C9orf85: variants seen among roughly 807,000 people sequenced by gnomAD.
C9orf85 encodes the protein chromosome 9 open reading frame 85.
C9orf85 carries 16 observed loss-of-function variants against 14.9 expected under a neutral mutation model. The ratio of observed to expected loss-of-function variants is 1.08; its 90% CI spans 0.73 to 1.63. The LOEUF (loss-of-function observed/expected upper bound fraction) is 1.63. Ranked by LOEUF, C9orf85 falls within the 40% of genes most tolerant of loss-of-function variation. The pLI is 0.00. For missense variants in C9orf85, 172 were observed against 186.1 expected (o/e 0.92, Z 0.44); for synonymous variants, 45 against 56.8 (o/e 0.79, Z 0.93).
chr9:71,968,097 T>TAGAGAGAGAGAG (rs779158859), intron 2 of C9orf85, among the ~76,000 whole-genome samples: 1 of 37,194 alleles, frequency 2.7e-5, no homozygotes, highest in Non-Finnish European at 5.9e-5. Context: ...CATATATATA[T>TAGAGAGAGAGAG]ATATAGAGAG....
At chr9:71,931,426 C>CT (rs1449804597) in intron 1 of C9orf85, among the ~76,000 whole-genome samples, 1 of 152,148 alleles carries the variant, frequency 6.6e-6, no homozygotes, top group Non-Finnish European at 1.5e-5. Context: ...TCAAAGCTTT[C>CT]TTTAAGTCAC....
At chr9:71,933,170 AAGG>A (rs755074975) in intron 1 of C9orf85, among the ~76,000 whole-genome samples, 65 of 152,304 alleles carry the variant, frequency 4.3e-4, no homozygotes, top group Middle Eastern at 3.4e-3. Flanking sequence ...GGGATTCCAG[AAGG>A]AGAAGAGAGA....
downstream of C9orf85, among the ~76,000 whole-genome samples, chr9:71,976,601 A>G (rs569310346): frequency 7.4e-4 from 112 of 151,680 alleles, 1 homozygote; most frequent in African/African-American, 2.1e-3. Flanking sequence ...GGCGGAGCTT[A>G]CAGTGAGCCG....
intron 3 of C9orf85, among the ~76,000 whole-genome samples, chr9:71,979,764 A>G (rs930035518): frequency 1.3e-5 from 2 of 152,194 alleles, no homozygotes; most frequent in Non-Finnish European, 2.9e-5. Flanking sequence ...TATCACACAC[A>G]CACCAAGGAA....
At chr9:71,972,025 C>T (rs1367655396) in intron 3 of C9orf85, among the ~76,000 whole-genome samples, 1 of 148,658 alleles carries the variant, frequency 6.7e-6, no homozygotes, top group African/African-American at 2.5e-5. Flanking sequence ...AACCCTTAGA[C>T]TTAAGTTGTA....
At chr9:71,978,377 T>C (rs949785079), downstream of C9orf85, among the ~76,000 whole-genome samples, 1 of 152,198 alleles carries the variant, frequency 6.6e-6, no homozygotes, top group African/African-American at 2.4e-5. Context: ...CCCAAAGTGC[T>C]GAGATTACAG....
Position 71,934,058 on chromosome 9 carries a change from C to A in C9orf85, c.103-12948C>A, listed in dbSNP as rs574812450. On this transcript the variant is annotated intron_variant, in intron 1 of 3. Transcript: ENST00000334731. Reference sequence around the variant, plus strand: ...TGTCACCTGCCTTTAAAAACCATTACCTGGGCTGGGCATGGTGGCTCATGC... The same window carrying A: ...TGTCACCTGCCTTTAAAAACCATTAACTGGGCTGGGCATGGTGGCTCATGC... 5.8e-3 allele frequency among the ~76,000 whole-genome samples: 889 copies of A among 152,216 alleles called. 5 individuals carry two copies. The highest frequency in any genetic ancestry group is 8.7e-3 in the Non-Finnish European group (592 of 67,996).
intron 1 of C9orf85, among the ~76,000 whole-genome samples, chr9:71,928,014 C>T (rs902861814): frequency 3.3e-5 from 5 of 151,854 alleles, no homozygotes; most frequent in Admixed American, 2.0e-4. Flanking sequence ...GATGAAACTC[C>T]GACTCTAACT....
At position 71,982,693 on chromosome 9, in the gene C9orf85, TG is replaced by T; in HGVS notation, c.362del (p.Gly121AlafsTer24). ...CTCTGTTGCCCAGGCTGGAGTGCAG[TG>T]GCAGGATCTTGGCTCACCACAACCT... On this transcript the variant is annotated frameshift_variant, in exon 4 of 4. Coordinates refer to the C9orf85 transcript ENST00000377031. LOFTEE classifies it low-confidence loss of function (END_TRUNC). 2 of 364,106 alleles carry T rather than the reference TG, an allele frequency of 5.5e-6. No individual in the cohort carries two copies. The highest frequency in any genetic ancestry group is 4.1e-5 in the South Asian group (2 of 48,850). The allele number at this position is 364,106 out of a possible 1,614,324, so 22.6% of individuals were successfully genotyped here.
chr9:71,934,814 G>A (rs1201886628), intron 1 of C9orf85, among the ~76,000 whole-genome samples: 1 of 151,924 alleles, frequency 6.6e-6, no homozygotes, highest in African/African-American at 2.4e-5. Context: ...AGTATGCAGT[G>A]AGCCAAGATG....
At chr9:71,985,801 A>T (rs1406973995), downstream of C9orf85, 1 of 152,198 alleles carries the variant, frequency 6.6e-6, no homozygotes, top group East Asian at 1.9e-4. Context: ...GGCCTTCTCA[A>T]GCCACTAGGT....
intron 2 of C9orf85, among the ~76,000 whole-genome samples, chr9:71,958,176 G>C (rs1822425435): frequency 6.7e-6 from 1 of 150,110 alleles, no homozygotes; most frequent in Non-Finnish European, 1.5e-5. Flanking sequence ...AAGATCCCAA[G>C]TACTTCAAGC....
At chr9:71,936,770 CTTTT>C (rs71353543) in intron 1 of C9orf85, among the ~76,000 whole-genome samples, 15 of 89,176 alleles carry the variant, frequency 1.7e-4, no homozygotes, top group Non-Finnish European at 2.1e-4. Context: ...TTTGTTCAAG[CTTTT>C]TTTTTTTTTT....
chr9:71,921,973 G>T (rs954709514), intron 1 of C9orf85, among the ~76,000 whole-genome samples: 2 of 2,356 alleles, frequency 8.5e-4, no homozygotes, highest in Admixed American at 0.023. Flanking sequence ...ACAGAGTCTT[G>T]CTCTGTCGCC....
chr9:71,980,083 G>A (rs1238824127), intron 3 of C9orf85, among the ~76,000 whole-genome samples: 4 of 149,528 alleles, frequency 2.7e-5, no homozygotes, highest in African/African-American at 4.9e-5. Context: ...GCACAATCTC[G>A]GCTCACTGCA....
At chr9:71,978,302 G>A (rs190521830), downstream of C9orf85, among the ~76,000 whole-genome samples, 20 of 152,184 alleles carry the variant, frequency 1.3e-4, no homozygotes, top group African/African-American at 4.6e-4. Context: ...TGGAGACAGC[G>A]TTTTGCAATG....
downstream of C9orf85, among the ~76,000 whole-genome samples, chr9:71,976,641 C>G (rs963806876): frequency 1.9e-3 from 271 of 145,010 alleles, 1 homozygote; most frequent in African/African-American, 6.0e-3. Flanking sequence ...CAGCCTGGGA[C>G]ACAGAGCGAG....
chr9:71,926,063 C>T (rs1390083707), intron 1 of C9orf85, among the ~76,000 whole-genome samples: 5 of 152,186 alleles, frequency 3.3e-5, no homozygotes, highest in African/African-American at 1.2e-4. Flanking sequence ...AAAATGCTTC[C>T]TGTGTATACT....
chr9:71,961,031 G>C (rs12004675), intron 2 of C9orf85, among the ~76,000 whole-genome samples: 16,971 of 149,024 alleles, frequency 0.11, 1,086 homozygotes, highest in Middle Eastern at 0.15. Flanking sequence ...TCCTGCCTCA[G>C]CCTCCCGAGT....
Sources: allele counts gnomAD v4.1 joint callset (sites outside exome capture counted in the v4.1 genomes callset), GRCh38; gene constraint gnomAD v4.1.1; transcripts MANE v1.5; gene names NCBI Gene and HGNC (gene_info 2026-07-23, HGNC 2026-07-21).